The following SLC35F4 variants were observed in gnomAD, a reference collection of about 807,000 sequenced individuals.
SLC35F4 encodes chromosome 14 open reading frame 36.
Under a neutral mutation model 44.2 loss-of-function variants are expected in SLC35F4, and 24 were observed. The ratio of observed to expected loss-of-function variants is 0.54; its 90% CI spans 0.39 to 0.76. The LOEUF is 0.76. SLC35F4 is among the 30% of genes least tolerant of loss of function. The probability of loss-of-function intolerance (pLI) is 0.00; values close to 1 mark genes in which losing one functional copy is unlikely to be tolerated. For synonymous variants in SLC35F4, 238 were observed against 223.6 expected, an observed-to-expected ratio of 1.06 and a Z score of -0.57; for missense variants, 562 against 586.1, an observed-to-expected ratio of 0.96 and a Z score of 0.42.
chr14:57,873,763 A>C (rs2141028454), intron 1 of SLC35F4, among the ~76,000 whole-genome samples: 1 of 152,108 alleles, frequency 6.6e-6, no homozygotes, highest in African/African-American at 2.4e-5. Flanking sequence ...ACACATGACA[A>C]ACCCTGAAAC....
At chr14:57,743,250 T>TA (rs1320965405) in intron 1 of SLC35F4, among the ~76,000 whole-genome samples, 4 of 151,722 alleles carry the variant, frequency 2.6e-5, no homozygotes, top group Non-Finnish European at 4.4e-5. Flanking sequence ...AATAGAGACA[T>TA]AAAAAAACCC....
At chr14:57,759,880 GT>G (rs60160945) in intron 1 of SLC35F4, among the ~76,000 whole-genome samples, 7,969 of 140,400 alleles carry the variant, frequency 0.057, 438 homozygotes, top group African/African-American at 0.14. Flanking sequence ...TTCTTTGCTT[GT>G]TTTTTTTTTT....
intron 1 of SLC35F4, among the ~76,000 whole-genome samples, chr14:57,915,128 C>T (rs1169146601): frequency 2.6e-5 from 4 of 152,318 alleles, no homozygotes; most frequent in Admixed American, 2.6e-4. Context: ...CCTGAGGCCA[C>T]TCGAACCATA....
chr14:57,835,596 C>T (rs1884837443), intron 1 of SLC35F4, among the ~76,000 whole-genome samples: 1 of 152,168 alleles, frequency 6.6e-6, no homozygotes, highest in South Asian at 2.1e-4. Flanking sequence ...GACTCTATAA[C>T]ATTTCTGTCA....
At chr14:57,666,016 A>G (rs1200865212) in intron 1 of SLC35F4, among the ~76,000 whole-genome samples, 1 of 152,180 alleles carries the variant, frequency 6.6e-6, no homozygotes, top group Non-Finnish European at 1.5e-5. Context: ...AAAAATCACT[A>G]ATAGGTACCA....
chr14:57,661,757 A>G (rs184542338), intron 1 of SLC35F4, among the ~76,000 whole-genome samples: 189 of 152,326 alleles, frequency 1.2e-3, no homozygotes, highest in South Asian at 5.4e-3. Flanking sequence ...CAGAATCCCC[A>G]GAGGGTTTGT....
At chr14:57,624,448 A>C (rs975336999) in intron 1 of SLC35F4, among the ~76,000 whole-genome samples, 4 of 152,218 alleles carry the variant, frequency 2.6e-5, no homozygotes, top group Admixed American at 2.6e-4. Flanking sequence ...TCCCTAACTC[A>C]TTTTATGAGG....
intron 3 of SLC35F4, among the ~76,000 whole-genome samples, chr14:57,584,370 C>CCAG (rs1374342956): frequency 7.2e-5 from 11 of 152,112 alleles, no homozygotes; most frequent in African/African-American, 2.4e-4. Context: ...TGCTATGGGA[C>CCAG]AAATTCTATT....
chr14:57,674,985 G>A (rs1049930964), intron 1 of SLC35F4, among the ~76,000 whole-genome samples: 1 of 152,104 alleles, frequency 6.6e-6, no homozygotes, highest in African/African-American at 2.4e-5. Flanking sequence ...GGCTGTAAGT[G>A]TCTGTGCTAG....
At chr14:57,902,315 G>A (rs1187549133) in intron 1 of SLC35F4, among the ~76,000 whole-genome samples, 1 of 152,114 alleles carries the variant, frequency 6.6e-6, no homozygotes, top group Non-Finnish European at 1.5e-5. Context: ...TGTAATCCCA[G>A]CACTTTGGGA....
At chr14:57,776,665 CAAAAAA>C (rs57272978) in intron 1 of SLC35F4, among the ~76,000 whole-genome samples, 15 of 72,070 alleles carry the variant, frequency 2.1e-4, no homozygotes, top group South Asian at 6.2e-4. Context: ...GACTCCATCT[CAAAAAA>C]AAAAAAAAAA....
chr14:57,733,343 G>T (rs1012192493), intron 1 of SLC35F4, among the ~76,000 whole-genome samples: 3 of 137,094 alleles, frequency 2.2e-5, no homozygotes, highest in Admixed American at 7.8e-5. Flanking sequence ...TCTGCTACAA[G>T]GAGAGTCAAT....
rs112047364 is a variant in SLC35F4, at chr14:57,575,513, A to C, written c.808-3494T>G. ...AACAAAAAAGATGGGGAAAAAAAAA[A>C]CTCACCATTACCATTATCTGAACCT... On this transcript the variant is annotated intron_variant, in intron 4 of 7. Coordinates refer to ENST00000556826, the MANE Select transcript of SLC35F4 (RefSeq NM_001306087.2). Among the ~76,000 whole-genome samples the C allele has an allele frequency of 2.2e-3, 336 of 152,098 alleles. 1 individual carries two copies. The highest frequency in any genetic ancestry group is 7.4e-3 in the African/African-American group (306 of 41,484).
rs989651278 is a variant in SLC35F4, at chr14:57,945,648, T to C, written n.282+36265A>G. ...CCTGGGTAGATACCCAGTAGTGGGATTGCTGGATCAAATGGTAGTTCTACT... is the reference window on the plus strand; with the variant it reads ...CCTGGGTAGATACCCAGTAGTGGGACTGCTGGATCAAATGGTAGTTCTACT... On this transcript the variant is annotated intron_variant and non_coding_transcript_variant, in intron 1 of 1. Coordinates refer to the SLC35F4 transcript ENST00000556568. 2.6e-5 allele frequency among the ~76,000 whole-genome samples: 4 copies of C among 152,226 alleles called. No individual in the cohort carries two copies. In the East Asian group the frequency reaches 7.8e-4, roughly 30 times the overall value.
chr14:57,844,913 A>G (rs563125218), intron 1 of SLC35F4, among the ~76,000 whole-genome samples: 2 of 150,522 alleles, frequency 1.3e-5, no homozygotes, highest in South Asian at 2.1e-4. Flanking sequence ...TCCTCCATCT[A>G]TCTCTCTCTG....
intron 1 of SLC35F4, among the ~76,000 whole-genome samples, chr14:57,941,545 G>A (rs770673225): frequency 1.3e-5 from 2 of 152,082 alleles, no homozygotes; most frequent in Non-Finnish European, 2.9e-5. Flanking sequence ...AGGAAAGGAT[G>A]GAGAGTAAAT....
downstream of SLC35F4, among the ~76,000 whole-genome samples, chr14:57,973,986 A>C (rs1189020718): frequency 6.6e-6 from 1 of 152,214 alleles, no homozygotes; most frequent in African/African-American, 2.4e-5. Flanking sequence ...ATTGCTGTGT[A>C]GTAACTACCC....
Position 57,865,722 on chromosome 14 carries a change from C to G in SLC35F4, c.103+1G>C. The G allele has an allele frequency of 6.6e-7, 1 of 1,517,764 alleles. No individual in the cohort carries two copies. Among genetic ancestry groups the G allele is most frequent in the Non-Finnish European group, 8.8e-7 (1 of 1,139,066 alleles). 94.0% of individuals were successfully genotyped at this position (1,517,764 alleles called of 1,614,324 possible). ...CGCAGGGCAGCCGCGCGGCGTCTTACTTTTCTGGCTGGAGTAACCTGGATA... is the reference window on the plus strand; with the variant it reads ...CGCAGGGCAGCCGCGCGGCGTCTTAGTTTTCTGGCTGGAGTAACCTGGATA... On this transcript the variant is annotated splice_donor_variant, in intron 1 of 7. Coordinates refer to ENST00000556826, the MANE Select transcript of SLC35F4 (RefSeq NM_001306087.2). LOFTEE classifies it high-confidence loss of function.
At chr14:57,929,670 T>C (rs1889654834) in intron 1 of SLC35F4, among the ~76,000 whole-genome samples, 1 of 152,176 alleles carries the variant, frequency 6.6e-6, no homozygotes, top group South Asian at 2.1e-4. Flanking sequence ...CAGAGTTTCT[T>C]GTAAGGTGAA....
Sources: gnomAD v4.1 joint callset for allele counts (sites outside exome capture counted in the v4.1 genomes callset) on GRCh38, gnomAD v4.1.1 for gene constraint, MANE v1.5 for transcripts, NCBI Gene and HGNC (gene_info 2026-07-23, HGNC 2026-07-21) for gene names.